DSTN: variants seen among roughly 807,000 people sequenced by gnomAD.
The protein encoded by DSTN is destrin.
A neutral mutation model predicts 16.8 loss-of-function variants in DSTN; 10 were observed. The observed-to-expected ratio is 0.60, with a 90% CI of 0.37 to 1.01. The LOEUF is 1.01. Ranked by LOEUF, DSTN falls within the 50% of genes least tolerant of loss-of-function variation. The probability of loss-of-function intolerance (pLI) is 0.01; values close to 1 mark genes in which losing one functional copy is unlikely to be tolerated. For missense variants in DSTN, 141 were observed against 196.7 expected, an observed-to-expected ratio of 0.72 and a Z score of 1.69; for synonymous variants, 57 against 58.9, an observed-to-expected ratio of 0.97 and a Z score of 0.14.
chr20:17,576,468 T>G (rs573509764), intron 1 of DSTN: 2 of 160,248 alleles, frequency 1.2e-5, no homozygotes, highest in African/African-American at 4.8e-5. Flanking sequence ...ACCCTGGTGA[T>G]CAATGGGGTG....
chr20:17,585,677 A>G (rs2035398855), intron 1 of DSTN, among the ~76,000 whole-genome samples: 1 of 152,170 alleles, frequency 6.6e-6, no homozygotes, highest in Non-Finnish European at 1.5e-5. Context: ...ATATACATAC[A>G]CATATATAGT....
At chr20:17,603,173 G>C (rs1218091066) in intron 2 of DSTN, among the ~76,000 whole-genome samples, 1 of 152,130 alleles carries the variant, frequency 6.6e-6, no homozygotes, top group African/African-American at 2.4e-5. Context: ...TGGAATCTCT[G>C]CTCACTAGGG....
intron 2 of DSTN, among the ~76,000 whole-genome samples, chr20:17,603,944 A>G (rs2035613132): frequency 6.6e-6 from 1 of 152,244 alleles, no homozygotes; most frequent in African/African-American, 2.4e-5. Flanking sequence ...ATTGGAATAG[A>G]TGAAGGGACT....
chr20:17,575,917 A>G (rs990507229), intron 1 of DSTN, among the ~76,000 whole-genome samples: 1 of 152,134 alleles, frequency 6.6e-6, no homozygotes, highest in Non-Finnish European at 1.5e-5. Flanking sequence ...TACACCTAAC[A>G]CTTCAGCAAT....
intron 1 of DSTN, among the ~76,000 whole-genome samples, chr20:17,581,243 G>A (rs2035340356): frequency 6.6e-6 from 1 of 152,184 alleles, no homozygotes; most frequent in Admixed American, 6.5e-5. Flanking sequence ...TGCTTTGGGA[G>A]GCCGAGGTGA....
chr20:17,578,110 C>A (rs183297394), intron 1 of DSTN, among the ~76,000 whole-genome samples: 38 of 152,350 alleles, frequency 2.5e-4, no homozygotes, highest in African/African-American at 7.7e-4. Context: ...CAACTAAATT[C>A]TCTGCATTTC....
At chr20:17,574,053 A>T (rs2035238637) in intron 1 of DSTN, among the ~76,000 whole-genome samples, 1 of 152,126 alleles carries the variant, frequency 6.6e-6, no homozygotes. Context: ...ATTAAATAAA[A>T]ATTAACTGGG....
intron 1 of DSTN, among the ~76,000 whole-genome samples, chr20:17,572,990 G>A (rs917349312): frequency 2.0e-5 from 3 of 152,164 alleles, no homozygotes; most frequent in East Asian, 1.9e-4. Context: ...GCTGGTTAAG[G>A]AGATGATTTT....
intron 1 of DSTN, among the ~76,000 whole-genome samples, chr20:17,587,131 A>G (rs1235705728): frequency 6.6e-6 from 1 of 152,010 alleles, no homozygotes; most frequent in East Asian, 1.9e-4. Context: ...TATTGCTGTT[A>G]CATAAACCTT....
chr20:17,579,189 A>C (rs558183537), intron 1 of DSTN, among the ~76,000 whole-genome samples: 41 of 152,114 alleles, frequency 2.7e-4, no homozygotes, highest in Non-Finnish European at 5.7e-4. Flanking sequence ...TTCCTGACAC[A>C]TTCTGTGCCT....
At chr20:17,606,325 C>T (rs754070595) in intron 3 of DSTN, among the ~76,000 whole-genome samples, 5 of 152,132 alleles carry the variant, frequency 3.3e-5, no homozygotes, top group African/African-American at 9.7e-5. Flanking sequence ...TAATTGAGCT[C>T]GTTTTTGCAT....
rs557945269 is a variant in DSTN at position 17,579,623 on chromosome 20, T to C, written c.3+9412T>C. On this transcript the variant is annotated intron_variant, in intron 1 of 3. Transcript: ENST00000246069. Reference sequence around the variant, plus strand: ...TGGCAGGTAGTAAAGTGCTTATCAGTTTATCAGTGTTAGCTAAAATAAATG... The same window carrying C: ...TGGCAGGTAGTAAAGTGCTTATCAGCTTATCAGTGTTAGCTAAAATAAATG... 2.4e-4 allele frequency among the ~76,000 whole-genome samples: 36 copies of C among 152,270 alleles called. No individual in the cohort carries two copies. In the South Asian group the frequency reaches 4.4e-3, roughly 18 times the overall value.
intron 1 of DSTN, among the ~76,000 whole-genome samples, chr20:17,598,952 A>G (rs2035556580): frequency 6.6e-6 from 1 of 152,140 alleles, no homozygotes; most frequent in African/African-American, 2.4e-5. Flanking sequence ...ATATGACCCA[A>G]CAATTCCACT....
intron 1 of DSTN, among the ~76,000 whole-genome samples, chr20:17,577,623 C>A (rs966169396): frequency 1.1e-4 from 16 of 151,872 alleles, no homozygotes; most frequent in Admixed American, 7.2e-4. Flanking sequence ...CATCTTTAGG[C>A]CAGTGTTGTC....
chr20:17,600,626 T>C lies in DSTN; in HGVS notation c.4-112T>C, dbSNP rs183297224. The C allele has an allele frequency of 1.2e-4, 144 of 1,249,130 alleles. 1 individual carries two copies. Among genetic ancestry groups the C allele is most frequent in the Middle Eastern group, 7.9e-4 (4 of 5,086 alleles). 77.4% of individuals were successfully genotyped at this position (1,249,130 alleles called of 1,614,324 possible). ...TCAAATTTCTAGTTTTTTAATTAGA[T>C]GATATACCTTTAAAATGTTAAATAT... On this transcript the variant is annotated intron_variant, in intron 1 of 3. Coordinates refer to ENST00000246069, the MANE Select transcript of DSTN (RefSeq NM_006870.4).
rs1389327583 is a variant in DSTN at position 17,608,329 on chromosome 20, A to G, written c.*1183A>G. 1 of 152,180 alleles carries G rather than the reference A, an allele frequency of 6.6e-6. No individual in the cohort carries two copies. Among genetic ancestry groups the G allele is most frequent in the Non-Finnish European group, 1.5e-5 (1 of 68,044 alleles). The allele number at this position is 152,180 out of a possible 1,614,324, so 9.4% of individuals were successfully genotyped here. ...AGGCATTGAGGTTTGGGTATTTCCA[A>G]TAATTAAGAGTTAAGGTTGGCTGAG... is the stretch of plus-strand genomic sequence containing the variant. On this transcript the variant is annotated 3_prime_UTR_variant, in exon 4 of 4. Transcript: ENST00000246069.
intron 2 of DSTN, 144 bp downstream of exon 2, chr20:17,601,189 C>T (rs2035583341): frequency 9.4e-7 from 1 of 1,059,892 alleles, no homozygotes; most frequent in Non-Finnish European, 1.3e-6. Context: ...CATAATGTTA[C>T]CAGGGCTGAT....
intron 3 of DSTN, 104 bp downstream of exon 3, chr20:17,604,735 A>G (rs1255234083): frequency 2.0e-6 from 2 of 1,002,582 alleles, no homozygotes; most frequent in African/African-American, 3.3e-5. Context: ...AGCTTCGGGC[A>G]CAAGGGAGAA....
chr20:17,574,747 A>T (rs1334168044), intron 1 of DSTN, among the ~76,000 whole-genome samples: 1 of 125,008 alleles, frequency 8.0e-6, no homozygotes, highest in African/African-American at 2.6e-5. Context: ...AAAAAAAAAA[A>T]TTAAAAGTCT....
Sources: allele counts gnomAD v4.1 joint callset (sites outside exome capture counted in the v4.1 genomes callset), GRCh38; gene constraint gnomAD v4.1.1; transcripts MANE v1.5; gene names NCBI Gene and HGNC (gene_info 2026-07-23, HGNC 2026-07-21).